Variants in PREX2 observed in about 807,000 individuals in gnomAD.
PREX2 encodes phosphatidylinositol-3,4,5-trisphosphate dependent Rac exchange factor 2, also known as phosphatidylinositol 3,4,5-trisphosphate-dependent Rac exchanger 2 protein.
In PREX2, 107 loss-of-function variants were observed where a neutral mutation model predicts 203.2. The ratio of observed to expected loss-of-function variants is 0.53; its 90% CI spans 0.45 to 0.62. PREX2 has a LOEUF of 0.62. PREX2 is among the 20% of genes least tolerant of loss of function. The pLI, the probability that PREX2 is intolerant of heterozygous loss-of-function variation, is 0.00. For missense variants in PREX2, 1,777 were observed against 1,955.9 expected (o/e 0.91, Z 1.72); for synonymous variants, 672 against 663.6 (o/e 1.01, Z -0.19).
chr8:68,138,264 A>G (rs979911719), intron 32 of PREX2, 151 bp from the exon 33 acceptor site: 4 of 397,034 alleles, frequency 1.0e-5, no homozygotes, highest in Non-Finnish European at 1.8e-5. Flanking sequence ...TTTGGGCAGT[A>G]AATTATTACA....
intron 23 of PREX2, among the ~76,000 whole-genome samples, chr8:68,103,891 C>T (rs1452009564): frequency 6.6e-6 from 1 of 152,108 alleles, no homozygotes; most frequent in Admixed American, 6.6e-5. Context: ...CTCCTTTTCT[C>T]TCTCCATTTT....
chr8:67,984,057 C>T (rs989943811), intron 1 of PREX2, among the ~76,000 whole-genome samples: 2 of 151,992 alleles, frequency 1.3e-5, no homozygotes, highest in African/African-American at 4.8e-5. Flanking sequence ...TTGAGTGTTC[C>T]CCGCATTTCC....
At chr8:68,231,224 G>C (rs1458279317) in intron 39 of PREX2, 109 bp from the exon 40 acceptor site, 2 of 727,418 alleles carry the variant, frequency 2.7e-6, no homozygotes, top group African/African-American at 3.7e-5. Context: ...ATCCGATCAT[G>C]ACTCACGAAA....
At chr8:68,038,455 CTCACTGGTTGT>C (rs1808099952) in intron 7 of PREX2, among the ~76,000 whole-genome samples, 163 bp downstream of exon 7, 1 of 152,152 alleles carries the variant, frequency 6.6e-6, no homozygotes, top group Non-Finnish European at 1.5e-5. Flanking sequence ...ATTCAGTCTG[CTCACTGGTTGT>C]TCACTTCACC....
chr8:68,187,624 T>A (rs914923444), intron 35 of PREX2, among the ~76,000 whole-genome samples: 6 of 152,252 alleles, frequency 3.9e-5, no homozygotes, highest in African/African-American at 1.4e-4. Flanking sequence ...GTGACTTGTA[T>A]ACTATTTTTT....
chr8:68,002,030 G>T (rs1806951561), intron 1 of PREX2, among the ~76,000 whole-genome samples: 1 of 151,084 alleles, frequency 6.6e-6, no homozygotes, highest in African/African-American at 2.4e-5. Context: ...CAAATCCTGT[G>T]ACACAAGTTT....
chr8:68,146,048 T>C (rs1026711112), intron 33 of PREX2, among the ~76,000 whole-genome samples, 161 bp from the exon 34 acceptor site: 7 of 152,108 alleles, frequency 4.6e-5, no homozygotes, highest in Non-Finnish European at 7.4e-5. Context: ...TTTAATACTT[T>C]CACTGAATAG....
At chr8:68,081,927 C>G (rs1432653367) in intron 17 of PREX2, among the ~76,000 whole-genome samples, 2 of 151,740 alleles carry the variant, frequency 1.3e-5, no homozygotes, top group African/African-American at 4.8e-5. Context: ...AAACTCCTGA[C>G]CTTAAGTGAT....
At chr8:67,975,076 T>C (rs1459800738) in intron 1 of PREX2, among the ~76,000 whole-genome samples, 2 of 152,126 alleles carry the variant, frequency 1.3e-5, no homozygotes, top group African/African-American at 4.8e-5. Context: ...TTCTCAAGCC[T>C]TCCTGCACTG....
At chr8:68,018,493 T>A (rs1807469921) in intron 2 of PREX2, among the ~76,000 whole-genome samples, 1 of 151,740 alleles carries the variant, frequency 6.6e-6, no homozygotes, top group Non-Finnish European at 1.5e-5. Context: ...ATAAATAAAA[T>A]GAATTGGAGG....
intron 1 of PREX2, among the ~76,000 whole-genome samples, chr8:67,978,804 A>G (rs1206044113): frequency 6.6e-6 from 1 of 152,232 alleles, no homozygotes; most frequent in Non-Finnish European, 1.5e-5. Flanking sequence ...GGTTTTATAC[A>G]TATATATCTA....
chr8:68,185,444 G>T (rs1812171121), intron 35 of PREX2, among the ~76,000 whole-genome samples: 1 of 152,072 alleles, frequency 6.6e-6, no homozygotes, highest in Non-Finnish European at 1.5e-5. Flanking sequence ...AGTTTGACCT[G>T]TCAGAATTCT....
intron 1 of PREX2, among the ~76,000 whole-genome samples, chr8:68,003,550 C>G (rs143766602): frequency 3.3e-3 from 495 of 152,182 alleles, no homozygotes; most frequent in Middle Eastern, 0.014. Flanking sequence ...ATGTGGTCAT[C>G]TTAAGTTACT....
chr8:68,150,716 T>C (rs958267512), intron 34 of PREX2, among the ~76,000 whole-genome samples: 3 of 152,100 alleles, frequency 2.0e-5, no homozygotes, highest in African/African-American at 7.2e-5. Flanking sequence ...GTTTCAGGGA[T>C]TGGAAGCTCA....
chr8:68,086,749 T>C (rs913888528), intron 18 of PREX2, among the ~76,000 whole-genome samples: 5 of 152,140 alleles, frequency 3.3e-5, no homozygotes, highest in African/African-American at 9.7e-5. Context: ...CATAATCTTT[T>C]TTCTTTTTTT....
At chr8:68,110,392 A>G (rs758952447) in intron 25 of PREX2, among the ~76,000 whole-genome samples, 3 of 152,210 alleles carry the variant, frequency 2.0e-5, no homozygotes, top group Non-Finnish European at 2.9e-5. Context: ...ATAATGAATT[A>G]CAAGTTTGTG....
intron 1 of PREX2, among the ~76,000 whole-genome samples, chr8:67,990,857 C>A (rs1420623604): frequency 6.6e-6 from 1 of 152,076 alleles, no homozygotes. Flanking sequence ...CCATAATTAG[C>A]CTTAAAGGAG....
At chr8:67,996,025 G>A (rs1158882711) in intron 1 of PREX2, among the ~76,000 whole-genome samples, 2 of 151,988 alleles carry the variant, frequency 1.3e-5, no homozygotes, top group African/African-American at 4.8e-5. Context: ...TATAATTTTA[G>A]TTCATGATAT....
At chr8:68,180,172 G>T (rs929957446) in intron 35 of PREX2, among the ~76,000 whole-genome samples, 1 of 151,974 alleles carries the variant, frequency 6.6e-6, no homozygotes, top group African/African-American at 2.4e-5. Context: ...TGATCAAAAT[G>T]GGACATTCCT....
Sources: allele counts gnomAD v4.1 joint callset (sites outside exome capture counted in the v4.1 genomes callset), GRCh38; gene constraint gnomAD v4.1.1; transcripts MANE v1.5; gene names NCBI Gene and HGNC (gene_info 2026-07-23, HGNC 2026-07-21).